The following TAS2R1 variants were observed in gnomAD, a reference collection of about 807,000 sequenced individuals.
The protein encoded by TAS2R1 is taste receptor type 2 member 1.
For missense variants in TAS2R1, 370 were observed against 353.4 expected, an observed-to-expected ratio of 1.05 and a Z score of -0.38; for synonymous variants, 141 against 134.2, an observed-to-expected ratio of 1.05 and a Z score of -0.35.
At chr5:9,888,135 A>C in the TAS2R1 span, among the ~76,000 whole-genome samples, 1 of 151,972 alleles carries the variant, frequency 6.6e-6, no homozygotes, top group African/African-American at 2.4e-5. Context: ...GTAGGCCCCC[A>C]TCTGCACCAT....
At chr5:9,808,766 C>T in the TAS2R1 span, among the ~76,000 whole-genome samples, 1 of 152,158 alleles carries the variant, frequency 6.6e-6, no homozygotes, top group East Asian at 1.9e-4. Flanking sequence ...CTACCACTTT[C>T]ACCACAGGCT....
At chr5:9,875,546 G>A in the TAS2R1 span, among the ~76,000 whole-genome samples, 1 of 152,196 alleles carries the variant, frequency 6.6e-6, no homozygotes, top group Non-Finnish European at 1.5e-5. Flanking sequence ...TCATCACACA[G>A]TACGAAATCC....
chr5:9,803,884 T>C, the TAS2R1 span, among the ~76,000 whole-genome samples: 2 of 152,182 alleles, frequency 1.3e-5, no homozygotes, highest in Non-Finnish European at 1.5e-5. Context: ...TAGTACCTCA[T>C]ATCTCAATAC....
Position 9,629,035 on chromosome 5 carries a change from A to C in TAS2R1, c.*98T>G, listed in dbSNP as rs968862884. On this transcript the variant is annotated 3_prime_UTR_variant, in exon 1 of 1. Transcript: ENST00000382492. ...AACAGGCCTGAAGGGGACATGTTGT[A>C]TATTTATGAACAGGCTGCTTTGTCT... The C allele has an allele frequency of 6.2e-6, 8 of 1,291,140 alleles. No homozygotes were observed. Among genetic ancestry groups the C allele is most frequent in the Non-Finnish European group, 8.4e-6 (8 of 952,718 alleles). The allele number at this position is 1,291,140 out of a possible 1,614,324, so 80.0% of individuals were successfully genotyped here.
At chr5:9,845,681 G>A in the TAS2R1 span, among the ~76,000 whole-genome samples, 2,124 of 152,304 alleles carry the variant, frequency 0.014, 43 homozygotes, top group African/African-American at 0.048. Context: ...GGCTGAAGCC[G>A]TAATACAATG....
chr5:9,630,087 C>T lies in TAS2R1; in HGVS notation c.-55G>A. 1 of 1,439,834 alleles carries T rather than the reference C, an allele frequency of 6.9e-7. No individual in the cohort carries two copies. Among genetic ancestry groups the T allele is most frequent in the East Asian group, 2.5e-5 (1 of 40,206 alleles). 89.2% of individuals were successfully genotyped at this position (1,439,834 alleles called of 1,614,324 possible). A position where few individuals can be genotyped will look rare whatever the true frequency, so the allele number is the denominator to read the frequency against. ...AATAATGAAGTTATAAAGTTTTGGA[C>T]AGGTTGGGTTGTTCACGCTCTTCAA... On this transcript the variant is annotated 5_prime_UTR_variant, in exon 1 of 1. Coordinates refer to ENST00000382492, the MANE Select transcript of TAS2R1 (RefSeq NM_019599.3).
intron 1 of TAS2R1, among the ~76,000 whole-genome samples, chr5:9,674,109 A>G (rs181772736): frequency 1.2e-3 from 181 of 152,308 alleles, no homozygotes; most frequent in Non-Finnish European, 2.0e-3. Context: ...CTAGTTTCCA[A>G]TGCTGATACA....
At chr5:9,783,794 A>G in the TAS2R1 span, among the ~76,000 whole-genome samples, 1 of 152,254 alleles carries the variant, frequency 6.6e-6, no homozygotes, top group Non-Finnish European at 1.5e-5. Context: ...ATCTTATTAT[A>G]CATGCTCATA....
chr5:9,888,815 G>A, the TAS2R1 span, among the ~76,000 whole-genome samples: 1 of 152,314 alleles, frequency 6.6e-6, no homozygotes, highest in African/African-American at 2.4e-5. Context: ...GGTGGGTGGG[G>A]GAGGAGTGAG....
At chr5:9,687,191 G>A (rs183532974) in intron 1 of TAS2R1, among the ~76,000 whole-genome samples, 67 of 152,174 alleles carry the variant, frequency 4.4e-4, no homozygotes, top group African/African-American at 1.4e-3. Flanking sequence ...GCATAGTCTC[G>A]AACTCCCGAC....
intron 2 of TAS2R1, among the ~76,000 whole-genome samples, chr5:9,654,237 T>C (rs1381492825): frequency 1.3e-5 from 2 of 152,192 alleles, no homozygotes; most frequent in Admixed American, 6.5e-5. Flanking sequence ...TCCTGCATTC[T>C]CTATGTAAGA....
At chr5:9,861,037 G>GTTTTTTT in the TAS2R1 span, among the ~76,000 whole-genome samples, 38 of 88,626 alleles carry the variant, frequency 4.3e-4, 3 homozygotes, top group East Asian at 5.3e-3. Flanking sequence ...GGAAGATGAG[G>GTTTTTTT]TTTTTTTTTT....
chr5:9,704,168 A>C (rs1741552146), intron 1 of TAS2R1, among the ~76,000 whole-genome samples: 1 of 152,196 alleles, frequency 6.6e-6, no homozygotes. Flanking sequence ...CAGAGCTAGG[A>C]TGAAATTCAA....
At chr5:9,760,800 T>A in the TAS2R1 span, 5 of 152,222 alleles carry the variant, frequency 3.3e-5, no homozygotes, top group Non-Finnish European at 7.3e-5. Flanking sequence ...ATATTGTCTC[T>A]CACTATTTCT....
the TAS2R1 span, among the ~76,000 whole-genome samples, chr5:9,820,335 AG>A: frequency 6.6e-6 from 1 of 152,230 alleles, no homozygotes; most frequent in East Asian, 1.9e-4. Flanking sequence ...AGGCTTTGTC[AG>A]AACGCCTATC....
At chr5:9,787,863 T>C in the TAS2R1 span, among the ~76,000 whole-genome samples, 1 of 152,258 alleles carries the variant, frequency 6.6e-6, no homozygotes, top group Non-Finnish European at 1.5e-5. Context: ...GAAGTTCTTG[T>C]CCAGGGTGTC....
At chr5:9,869,874 G>A in the TAS2R1 span, among the ~76,000 whole-genome samples, 87 of 152,306 alleles carry the variant, frequency 5.7e-4, no homozygotes, top group African/African-American at 1.9e-3. Flanking sequence ...AAACCTGAGC[G>A]TGATCTTTGG....
rs548294285 is a variant in TAS2R1, at chr5:9,695,574, C to T, written c.-242+16598G>A. 1.4e-4 allele frequency among the ~76,000 whole-genome samples: 22 copies of T among 152,036 alleles called. No homozygotes were observed. In the East Asian group the frequency reaches 3.1e-3, roughly 22 times the overall value. ...AACCTTTCTCTGATCATTTAAAAAG[C>T]GGCTTGGGTGCACTGGGGGTGGGAG... On this transcript the variant is annotated intron_variant, in intron 1 of 2. Transcript: ENST00000506620.
intron 1 of TAS2R1, among the ~76,000 whole-genome samples, chr5:9,671,159 T>C (rs1740746299): frequency 2.0e-5 from 3 of 152,190 alleles, no homozygotes; most frequent in African/African-American, 7.2e-5. Flanking sequence ...ATAAGAGCCA[T>C]TTATGACAAA....
Sources: gnomAD v4.1 joint callset for allele counts (sites outside exome capture counted in the v4.1 genomes callset) on GRCh38, gnomAD v4.1.1 for gene constraint, MANE v1.5 for transcripts, NCBI Gene and HGNC (gene_info 2026-07-23, HGNC 2026-07-21) for gene names.